The following RHOG variants were observed in gnomAD, a reference collection of about 807,000 sequenced individuals.
RHOG encodes the protein ras homolog family member G.
A neutral mutation model predicts 12.3 loss-of-function variants in RHOG; 1 was observed. That is an observed-to-expected ratio of 0.08 (90% CI 0.03 to 0.39). The LOEUF is 0.39. RHOG is among the 10% of genes least tolerant of loss of function. The pLI, the probability that RHOG is intolerant of heterozygous loss-of-function variation, is 0.99. For missense variants in RHOG, 114 were observed against 266.2 expected (o/e 0.43, Z 3.98); for synonymous variants, 129 against 116.0 (o/e 1.11, Z -0.72).
intron 1 of RHOG, among the ~76,000 whole-genome samples, chr11:3,839,810 A>G (rs1208739941): frequency 2.0e-5 from 3 of 152,058 alleles, no homozygotes; most frequent in African/African-American, 7.2e-5. Context: ...TTCAAAAGGA[A>G]TGAGGGGTGA....
chr11:3,834,298 C>G (rs7128912), intron 1 of RHOG, among the ~76,000 whole-genome samples: 151,970 of 152,326 alleles, frequency 1, 75,807 homozygotes, highest in Middle Eastern at 1. Flanking sequence ...CCCAGCTGTA[C>G]ATGCCCTTCA....
chr11:3,830,767 A>G (rs1209906450), intron 1 of RHOG: 1 of 152,190 alleles, frequency 6.6e-6, no homozygotes, highest in African/African-American at 2.4e-5. Context: ...TGAGTGGGGT[A>G]AGTATGAGGA....
In RHOG at chr11:3,827,791, C is replaced by T. The variant is rs985346579; in HGVS notation, c.348G>A (p.Lys116=). ...TGTCAGGCTGGGCTCTCAGGTCCTT[C>T]TTGGTGCCCACCAGCAGGATGGGCA... ...PDVPILLVGT[K]KDLRAQPDTL... The change falls in exon 2 of 2, where the codon AAG becomes AAA. Residue 116 remains lysine (K), a synonymous_variant. Transcript: ENST00000351018. The surrounding 1 kb of genome is among the most constrained non-coding windows in gnomAD (Gnocchi z 7.3). The T allele has an allele frequency of 6.2e-7, 1 of 1,613,780 alleles. No homozygotes were observed. The highest frequency in any genetic ancestry group is 8.5e-7 in the Non-Finnish European group (1 of 1,179,736).
intron 1 of RHOG, among the ~76,000 whole-genome samples, chr11:3,836,957 C>G (rs889183120): frequency 1.4e-4 from 20 of 146,768 alleles, no homozygotes; most frequent in African/African-American, 5.1e-4. Flanking sequence ...CAGGACAGCT[C>G]TGGCTGGGGG....
chr11:3,839,481 C>T lies in RHOG; in HGVS notation c.-69+1413G>A, dbSNP rs868473206. Among the ~76,000 whole-genome samples, 686 of 115,982 alleles carry T rather than the reference C, an allele frequency of 5.9e-3. 3 individuals are homozygous for T. Among genetic ancestry groups the T allele is most frequent in the African/African-American group, 0.021 (622 of 29,094 alleles). The allele number at this position is 115,982 out of a possible 152,430, so 76.1% of individuals were successfully genotyped here. ...AGATGTAGTCACACAGACACGCGCG[C>T]GCGAACACACACACACACACACACA... On this transcript the variant is annotated intron_variant, in intron 1 of 1. Transcript: ENST00000351018.
chr11:3,839,544 C>T (rs2090178208), intron 1 of RHOG, among the ~76,000 whole-genome samples: 1 of 147,364 alleles, frequency 6.8e-6, no homozygotes, highest in South Asian at 2.2e-4. Flanking sequence ...TCTCTTTAAT[C>T]CATCTCTAAG....
intron 1 of RHOG, among the ~76,000 whole-genome samples, chr11:3,834,806 A>C (rs2090148076): frequency 6.6e-6 from 1 of 152,152 alleles, no homozygotes; most frequent in African/African-American, 2.4e-5. Context: ...GACTCTTAAA[A>C]GATAGGCGAG....
intron 1 of RHOG, chr11:3,830,672 AAAGT>A (rs142413135): frequency 0.14 from 21,033 of 151,720 alleles, 1,569 homozygotes; most frequent in Middle Eastern, 0.17. Flanking sequence ...AAAAAAATAA[AAAGT>A]AAGAGTTAAT....
chr11:3,834,721 A>G (rs940011110), intron 1 of RHOG, among the ~76,000 whole-genome samples: 1 of 152,180 alleles, frequency 6.6e-6, no homozygotes, highest in African/African-American at 2.4e-5. Context: ...GAAAGGAAGC[A>G]GCCTGATTGC....
chr11:3,835,594 C>T (rs962239022), intron 1 of RHOG, among the ~76,000 whole-genome samples: 1 of 152,176 alleles, frequency 6.6e-6, no homozygotes, highest in Non-Finnish European at 1.5e-5. Context: ...ACATAAGTAA[C>T]CAACTTCTTT....
At chr11:3,831,400 A>G (rs966452836) in intron 1 of RHOG, among the ~76,000 whole-genome samples, 1 of 150,742 alleles carries the variant, frequency 6.6e-6, no homozygotes, top group Admixed American at 6.6e-5. Flanking sequence ...TCCTATTTGC[A>G]TGAATGAGAG....
At chr11:3,839,833 G>A (rs1299763942) in intron 1 of RHOG, among the ~76,000 whole-genome samples, 1 of 152,188 alleles carries the variant, frequency 6.6e-6, no homozygotes, top group East Asian at 1.9e-4. Context: ...GAAGAAACCA[G>A]GAGGTGCATG....
Position 3,827,173 on chromosome 11 carries a change from G to C in RHOG, c.*390C>G, listed in dbSNP as rs2090082173. On this transcript the variant is annotated 3_prime_UTR_variant, in exon 2 of 2. Coordinates refer to ENST00000351018, the MANE Select transcript of RHOG (RefSeq NM_001665.4). The surrounding 1 kb of genome is among the most constrained non-coding windows in gnomAD (Gnocchi z 7.3). ...TCTTGGGGGCGCAATTCCAAGAGCAGCGAGGGCAGAGGTTAGAGATGGCTG... is the reference window on the plus strand; with the variant it reads ...TCTTGGGGGCGCAATTCCAAGAGCACCGAGGGCAGAGGTTAGAGATGGCTG... 1 of 215,562 alleles carries C rather than the reference G, an allele frequency of 4.6e-6. No individual in the cohort carries two copies. Among genetic ancestry groups the C allele is most frequent in the South Asian group, 9.3e-5 (1 of 10,782 alleles). The allele number at this position is 215,562 out of a possible 1,614,324, so 13.4% of individuals were successfully genotyped here. A position where few individuals can be genotyped will look rare whatever the true frequency, so the allele number is the denominator to read the frequency against.
chr11:3,839,496 A>G (rs1260937886), intron 1 of RHOG, among the ~76,000 whole-genome samples: 1 of 130,942 alleles, frequency 7.6e-6, no homozygotes, highest in African/African-American at 3.7e-5. Flanking sequence ...ACACACACAC[A>G]CACACACACA....
At position 3,827,494 on chromosome 11, in the gene RHOG, G is replaced by C; in HGVS notation, c.*69C>G. 1 of 1,312,542 alleles carries C rather than the reference G, an allele frequency of 7.6e-7. No individual in the cohort carries two copies. The allele number at this position is 1,312,542 out of a possible 1,614,324, so 81.3% of individuals were successfully genotyped here. A position where few individuals can be genotyped will look rare whatever the true frequency, so the allele number is the denominator to read the frequency against. On this transcript the variant is annotated 3_prime_UTR_variant, in exon 2 of 2. Transcript: ENST00000351018. This position sits in a 1 kb window ranked among gnomAD's most constrained non-coding sequence, Gnocchi z 7.3. The stretch of plus-strand genomic sequence containing the variant: ...GAATTAGTCCTTAAGGCACAGCTGA[G>C]GCGGACAAGGCACCAAGGCACAACT...
chr11:3,831,455 G>A (rs2090128576), intron 1 of RHOG, among the ~76,000 whole-genome samples: 3 of 152,094 alleles, frequency 2.0e-5, no homozygotes, highest in Non-Finnish European at 4.4e-5. Flanking sequence ...TGCATGCAAC[G>A]TCAGGACATT....
chr11:3,827,514 A>C lies in RHOG; in HGVS notation c.*49T>G. The C allele has an allele frequency of 6.7e-7, 1 of 1,495,140 alleles. No individual in the cohort carries two copies. Among genetic ancestry groups the C allele is most frequent in the Non-Finnish European group, 9.2e-7 (1 of 1,092,690 alleles). 92.6% of individuals were successfully genotyped at this position (1,495,140 alleles called of 1,614,324 possible). ...GCTGAGGCGGACAAGGCACCAAGGC[A>C]CAACTGGTGGGGGGAGGGCAGGGGC... On this transcript the variant is annotated 3_prime_UTR_variant, in exon 2 of 2. Transcript: ENST00000351018. The surrounding 1 kb of genome is among the most constrained non-coding windows in gnomAD (Gnocchi z 7.3).
intron 1 of RHOG, among the ~76,000 whole-genome samples, chr11:3,834,295 G>A (rs1400060524): frequency 6.6e-6 from 1 of 152,186 alleles, no homozygotes; most frequent in Admixed American, 6.5e-5. Flanking sequence ...TTTCCCAGCT[G>A]TACATGCCCT....
intron 1 of RHOG, among the ~76,000 whole-genome samples, chr11:3,836,011 C>A (rs1366057332): frequency 1.3e-5 from 2 of 150,974 alleles, no homozygotes; most frequent in Non-Finnish European, 2.9e-5. Context: ...CCTTTCTCCC[C>A]ATCAGCAGGG....
Sources: allele counts gnomAD v4.1 joint callset (sites outside exome capture counted in the v4.1 genomes callset), GRCh38; gene constraint gnomAD v4.1.1; non-coding constraint Gnocchi (gnomAD v3.1); transcripts MANE v1.5; gene names NCBI Gene and HGNC (gene_info 2026-07-23, HGNC 2026-07-21).